The following CASP8 variants were observed in gnomAD, a reference collection of about 807,000 sequenced individuals.
CASP8 encodes caspase-8.
Under a neutral mutation model 46.3 loss-of-function variants are expected in CASP8, and 24 were observed. The observed-to-expected ratio is 0.52, with a 90% CI of 0.38 to 0.73. The LOEUF (loss-of-function observed/expected upper bound fraction) is 0.73, where lower values mean the gene tolerates loss of function less well. Ranked by LOEUF, CASP8 falls within the 30% of genes least tolerant of loss-of-function variation. CASP8 has a pLI of 0.00. For missense variants in CASP8, 460 were observed against 559.0 expected (o/e 0.82, Z 1.79); for synonymous variants, 188 against 200.4 (o/e 0.94, Z 0.52).
intron 2 of CASP8, among the ~76,000 whole-genome samples, chr2:201,249,801 A>G (rs1003739234): frequency 6.6e-6 from 1 of 152,124 alleles, no homozygotes; most frequent in African/African-American, 2.4e-5. Flanking sequence ...TCCCCTCCCC[A>G]CACTTTCCCG....
chr2:201,268,904 C>T (rs976988877), intron 2 of CASP8, among the ~76,000 whole-genome samples: 2 of 132,720 alleles, frequency 1.5e-5, no homozygotes, highest in African/African-American at 5.5e-5. Flanking sequence ...AGTATGGCCT[C>T]ATCTTTGTGT....
At position 201,285,399 on chromosome 2, in the gene CASP8, A is replaced by G. The variant is rs1307444792; in HGVS notation, c.1304+82A>G. The G allele has an allele frequency of 2.0e-6, 3 of 1,501,446 alleles. No homozygotes were observed. In the African/African-American group the frequency reaches 4.1e-5, roughly 21 times the overall value. 93.0% of individuals were successfully genotyped at this position (1,501,446 alleles called of 1,614,324 possible). On this transcript the variant is annotated intron_variant, in intron 8 of 8. Transcript: ENST00000673742. Reference sequence around the variant, plus strand: ...ATCACACTACTATCTACTCATATTCAGAGCCTATTAGAAAGTGCTATGTGA... The same window carrying G: ...ATCACACTACTATCTACTCATATTCGGAGCCTATTAGAAAGTGCTATGTGA...
intron 2 of CASP8, among the ~76,000 whole-genome samples, chr2:201,239,391 G>C (rs911777912): frequency 3.3e-5 from 5 of 152,122 alleles, no homozygotes; most frequent in Admixed American, 2.0e-4. Context: ...CTGGCCGGGC[G>C]GGGGGCTGAC....
intron 2 of CASP8, among the ~76,000 whole-genome samples, chr2:201,238,594 G>A (rs1370451557): frequency 2.0e-5 from 3 of 151,592 alleles, no homozygotes; most frequent in African/African-American, 4.8e-5. Flanking sequence ...GGCATGTGCC[G>A]CTATGCCTGG....
At chr2:201,267,145 T>C (rs1346535233) in intron 2 of CASP8, among the ~76,000 whole-genome samples, 3 of 152,172 alleles carry the variant, frequency 2.0e-5, no homozygotes, top group Non-Finnish European at 2.9e-5. Context: ...AAAATTTATT[T>C]TTCAAAGTGA....
intron 5 of CASP8, among the ~76,000 whole-genome samples, chr2:201,274,407 G>A (rs1948490774): frequency 1.3e-5 from 2 of 152,172 alleles, no homozygotes; most frequent in South Asian, 4.1e-4. Flanking sequence ...CATGTTAATT[G>A]CCCTGCTTGC....
intron 6 of CASP8, among the ~76,000 whole-genome samples, chr2:201,275,768 G>T (rs1258295462): frequency 6.6e-6 from 1 of 152,222 alleles, no homozygotes; most frequent in Admixed American, 6.5e-5. Context: ...TGAGACAGGG[G>T]TCTTGCTACG....
chr2:201,273,726 A>C (rs1330642960), intron 5 of CASP8, among the ~76,000 whole-genome samples: 1 of 151,818 alleles, frequency 6.6e-6, no homozygotes, highest in Non-Finnish European at 1.5e-5. Flanking sequence ...CCAGGCTAGA[A>C]TGCAGTGATG....
At chr2:201,259,726 C>T (rs1469299005), upstream of CASP8, among the ~76,000 whole-genome samples, 2 of 152,048 alleles carry the variant, frequency 1.3e-5, no homozygotes, top group African/African-American at 4.8e-5. Flanking sequence ...ATCCCTAGAG[C>T]CCAACATGGT....
intron 7 of CASP8, among the ~76,000 whole-genome samples, chr2:201,283,910 T>A (rs1488958894): frequency 3.2e-5 from 1 of 30,900 alleles, no homozygotes; most frequent in African/African-American, 1.0e-4. Context: ...GAGGGGCTCC[T>A]CACTTCTCAG....
chr2:201,270,089 G>C (rs1048875157), intron 2 of CASP8, among the ~76,000 whole-genome samples: 2 of 152,100 alleles, frequency 1.3e-5, no homozygotes, highest in African/African-American at 4.8e-5. Flanking sequence ...TAAAGTCAAC[G>C]TGTTTTTGTA....
At chr2:201,286,352 T>C in intron 8 of CASP8, 107 bp from the exon 9 acceptor site, 1 of 1,377,226 alleles carries the variant, frequency 7.3e-7, no homozygotes, top group Non-Finnish European at 1.0e-6. Flanking sequence ...AAATGACTGA[T>C]ATTTTGAGAG....
chr2:201,280,962 T>G (rs1948960700), intron 7 of CASP8, among the ~76,000 whole-genome samples: 1 of 152,030 alleles, frequency 6.6e-6, no homozygotes, highest in South Asian at 2.1e-4. Flanking sequence ...GGCAAAAAGG[T>G]TAATAAGAAA....
intron 2 of CASP8, among the ~76,000 whole-genome samples, chr2:201,249,546 C>CT (rs1386690043): frequency 2.0e-5 from 3 of 152,238 alleles, no homozygotes; most frequent in African/African-American, 7.2e-5. Flanking sequence ...GTTCAGACCT[C>CT]TTGCCCACTT....
chr2:201,235,470 C>T (rs1946010320), intron 2 of CASP8, among the ~76,000 whole-genome samples: 1 of 152,104 alleles, frequency 6.6e-6, no homozygotes, highest in Non-Finnish European at 1.5e-5. Flanking sequence ...TTCGTGGCAT[C>T]AATTCACTTT....
chr2:201,273,031 CAT>C, intron 5 of CASP8, 89 bp downstream of exon 5: 3 of 955,878 alleles, frequency 3.1e-6, no homozygotes, highest in Non-Finnish European at 5.1e-6. Context: ...ACCACATGCA[CAT>C]CTTAACGTGC....
chr2:201,270,716 G>C (rs1948184950), intron 2 of CASP8, among the ~76,000 whole-genome samples: 1 of 152,068 alleles, frequency 6.6e-6, no homozygotes, highest in Admixed American at 6.6e-5. Flanking sequence ...GTTTTTGGTA[G>C]AGATGGGGTC....
At chr2:201,254,943 T>G (rs1946949321) in intron 2 of CASP8, among the ~76,000 whole-genome samples, 1 of 152,206 alleles carries the variant, frequency 6.6e-6, no homozygotes, top group South Asian at 2.1e-4. Context: ...CCATGCACAT[T>G]ATTAATTCTG....
At chr2:201,249,211 A>G (rs1946664986) in intron 2 of CASP8, among the ~76,000 whole-genome samples, 1 of 152,128 alleles carries the variant, frequency 6.6e-6, no homozygotes, top group African/African-American at 2.4e-5. Flanking sequence ...TCCTTTTTAT[A>G]TTTAGATTGA....
Sources: allele counts gnomAD v4.1 joint callset (sites outside exome capture counted in the v4.1 genomes callset), GRCh38; gene constraint gnomAD v4.1.1; transcripts MANE v1.5; gene names NCBI Gene and HGNC (gene_info 2026-07-23, HGNC 2026-07-21).